Variants in CDH5 observed in about 807,000 individuals in gnomAD.
The protein encoded by CDH5 is cadherin-5.
A neutral mutation model predicts 62.0 loss-of-function variants in CDH5; 28 were observed. The ratio of observed to expected loss-of-function variants is 0.45; its 90% CI spans 0.33 to 0.62. The LOEUF (loss-of-function observed/expected upper bound fraction) is 0.62, where lower values mean the gene tolerates loss of function less well. Among genes scored for constraint, CDH5 ranks in the 20% least tolerant of loss-of-function variants. The pLI, the probability that CDH5 is intolerant of heterozygous loss-of-function variation, is 0.02. For missense variants in CDH5, 940 were observed against 1,065.1 expected (o/e 0.88, Z 1.63); for synonymous variants, 464 against 445.8 (o/e 1.04, Z -0.52).
intron 11 of CDH5, among the ~76,000 whole-genome samples, chr16:66,402,223 G>C (rs560846530): frequency 2.2e-4 from 33 of 151,314 alleles, no homozygotes; most frequent in African/African-American, 7.8e-4. Context: ...AAGCTAGAAG[G>C]CCTGAGCCTA....
At position 66,390,384 on chromosome 16, in the gene CDH5, G is replaced by T. The variant is rs368706407; in HGVS notation, c.782-19G>T. 2.5e-6 allele frequency: 4 copies of T among 1,598,624 alleles called. No homozygotes were observed. In the African/African-American group the frequency reaches 5.4e-5, roughly 21 times the overall value. ...ATCTCATTAACCCAAAGCCCTTTGG[G>T]GTGCTCTGTTTGCATCAGCCAAGTA... is the stretch of plus-strand genomic sequence containing the variant. On this transcript the variant is annotated intron_variant, in intron 5 of 11. Transcript: ENST00000341529.
chr16:66,380,228 A>AT (rs1405431794), intron 2 of CDH5, among the ~76,000 whole-genome samples: 3 of 132,898 alleles, frequency 2.3e-5, no homozygotes, highest in South Asian at 5.5e-4. Context: ...GGTGGTGATG[A>AT]TAAAGGGGTA....
At chr16:66,394,306 C>T (rs562480573) in intron 7 of CDH5, among the ~76,000 whole-genome samples, 3 of 152,218 alleles carry the variant, frequency 2.0e-5, no homozygotes, top group South Asian at 2.1e-4. Flanking sequence ...TATTCATATA[C>T]GCCTAATGCA....
intron 1 of CDH5, among the ~76,000 whole-genome samples, chr16:66,367,907 T>C (rs944745693): frequency 3.3e-5 from 5 of 152,126 alleles, no homozygotes; most frequent in African/African-American, 1.2e-4. Flanking sequence ...CTTTAAGGAA[T>C]AGTGGCTGGA....
Position 66,403,056 on chromosome 16 carries a change from A to G in CDH5, c.2242A>G (p.Thr748Ala). Residue 748 changes from threonine to alanine, a missense_variant, in exon 12 of 12, where the codon ACC (threonine) becomes GCC (alanine). By Grantham distance (58) the Thr-to-Ala change is moderately conservative. Coordinates refer to ENST00000341529, the MANE Select transcript of CDH5 (RefSeq NM_001795.5). This position sits in a 1 kb window ranked among gnomAD's most constrained non-coding sequence, Gnocchi z 4.3. ...AGCCGAGTCCCTCAGCTCCCTGGGC[A>G]CCGACTCATCCGACTCTGACGTGGA... ...SIAESLSSLG[T>A]DSSDSDVDYD... 1 of 1,613,590 alleles carries G rather than the reference A, an allele frequency of 6.2e-7. No homozygotes were observed.
Position 66,402,842 on chromosome 16 carries a change from C to T in CDH5, c.2028C>T (p.Pro676=), listed in dbSNP as rs762446860. ...VRRGGAKPPR[P]ALDARPSLYA... ...GCGGCGGGGCCAAGCCCCCGCGGCCCGCGCTGGACGCCCGGCCTTCCCTCT... is the reference window on the plus strand; with the variant it reads ...GCGGCGGGGCCAAGCCCCCGCGGCCTGCGCTGGACGCCCGGCCTTCCCTCT... The change falls in exon 12 of 12, where the codon CCC becomes CCT. Residue 676 remains proline, a synonymous_variant. Transcript: ENST00000341529. The T allele has an allele frequency of 2.9e-5, 47 of 1,599,712 alleles. No individual in the cohort carries two copies. Among genetic ancestry groups the T allele is most frequent in the South Asian group, 4.5e-5 (4 of 89,332 alleles).
At chr16:66,373,019 G>C (rs1442213926) in intron 1 of CDH5, among the ~76,000 whole-genome samples, 1 of 152,142 alleles carries the variant, frequency 6.6e-6, no homozygotes, top group Non-Finnish European at 1.5e-5. Context: ...ACCTACATCT[G>C]AGTTGCCAAG....
intron 11 of CDH5, 105 bp downstream of exon 11, chr16:66,401,121 G>A: frequency 7.0e-7 from 1 of 1,428,070 alleles, no homozygotes; most frequent in Non-Finnish European, 9.7e-7. Context: ...AGAGGTTCAG[G>A]CCCAACCCTG....
intron 4 of CDH5, among the ~76,000 whole-genome samples, 164 bp downstream of exon 4, chr16:66,388,604 G>A (rs12929526): frequency 0.044 from 6,684 of 152,268 alleles, 200 homozygotes; most frequent in Middle Eastern, 0.13. Context: ...AAGACAAGGC[G>A]GCTGGTCAAG....
At chr16:66,400,738 C>T (rs1481076443) in intron 10 of CDH5, 33 bp from the exon 11 acceptor site, 6 of 1,613,904 alleles carry the variant, frequency 3.7e-6, no homozygotes, top group Non-Finnish European at 5.1e-6. Flanking sequence ...GTGCAGATGG[C>T]AAAGCCTGAC....
At chr16:66,389,618 T>G in intron 5 of CDH5, 96 bp downstream of exon 5, 1 of 1,074,050 alleles carries the variant, frequency 9.3e-7, no homozygotes, top group Non-Finnish European at 1.3e-6. Flanking sequence ...TCACTTTACC[T>G]CTCCCTCTAT....
rs570882804 is a variant in CDH5, at chr16:66,373,037, C to A, written c.-20+6279C>A. Among the ~76,000 whole-genome samples the A allele has an allele frequency of 4.6e-5, 7 of 152,274 alleles. No homozygotes were observed. The South Asian group carries it at 1.0e-3, about 23-fold the overall frequency. On this transcript the variant is annotated intron_variant, in intron 1 of 11. Transcript: ENST00000341529. ...TACATCTGAGTTGCCAAGCGTGGCC[C>A]CTCCCTGCTCACCACTGTGATCAGG... is the stretch of plus-strand genomic sequence containing the variant.
chr16:66,384,151 C>G (rs1960943880), intron 2 of CDH5, among the ~76,000 whole-genome samples: 1 of 126,250 alleles, frequency 7.9e-6, no homozygotes, highest in Admixed American at 1.0e-4. Context: ...GTGGCGTGAT[C>G]TTGGCTCACT....
chr16:66,390,680 G>A, intron 6 of CDH5, 90 bp downstream of exon 6: 1 of 1,214,612 alleles, frequency 8.2e-7, no homozygotes, highest in Non-Finnish European at 1.2e-6. Flanking sequence ...CTGGGCCAGA[G>A]ACCATCAAAG....
At chr16:66,401,161 G>A (rs373145815) in intron 11 of CDH5, 145 bp downstream of exon 11, 3 of 1,088,852 alleles carry the variant, frequency 2.8e-6, no homozygotes, top group African/African-American at 1.5e-5. Flanking sequence ...CCCTTAGCCA[G>A]TTCATGTGCA....
chr16:66,387,827 A>G (rs761131030), intron 3 of CDH5, among the ~76,000 whole-genome samples: 6 of 152,014 alleles, frequency 3.9e-5, no homozygotes, highest in Non-Finnish European at 2.9e-5. Flanking sequence ...TGGGCTCAGG[A>G]GGTTACTACT....
Position 66,390,521 on chromosome 16 carries a change from C to T in CDH5, c.900C>T (p.Gly300=), listed in dbSNP as rs145900523. Residue 300 remains glycine, a synonymous_variant, in exon 6 of 12, where the codon GGC becomes GGT. Transcript: ENST00000341529. ...NRMTKYSILR[G]DYQDAFTIET... The stretch of plus-strand genomic sequence containing the variant: ...TGACCAAGTACAGCATCTTGCGGGG[C>T]GACTACCAGGACGCTTTCACCATTG... The T allele has an allele frequency of 1.6e-5, 26 of 1,614,088 alleles. No individual in the cohort carries two copies. Among genetic ancestry groups the T allele is most frequent in the East Asian group, 2.2e-5 (1 of 44,868 alleles).
intron 6 of CDH5, among the ~76,000 whole-genome samples, chr16:66,391,888 A>C (rs992298107): frequency 1.3e-5 from 2 of 152,242 alleles, no homozygotes; most frequent in African/African-American, 4.8e-5. Flanking sequence ...AAATAGGGCC[A>C]GGCACACAGC....
At chr16:66,373,805 G>A (rs745777863) in intron 1 of CDH5, among the ~76,000 whole-genome samples, 8 of 152,074 alleles carry the variant, frequency 5.3e-5, no homozygotes, top group Non-Finnish European at 1.2e-4. Context: ...GAAAAAGATC[G>A]ATCTGATGAC....
Sources: allele counts gnomAD v4.1 joint callset (sites outside exome capture counted in the v4.1 genomes callset), GRCh38; gene constraint gnomAD v4.1.1; non-coding constraint Gnocchi (gnomAD v3.1); transcripts MANE v1.5; gene names NCBI Gene and HGNC (gene_info 2026-07-23, HGNC 2026-07-21).